The following MAML2 variants were observed in gnomAD, a reference collection of about 807,000 sequenced individuals.
MAML2 encodes mastermind-like protein 2.
A neutral mutation model predicts 96.1 loss-of-function variants in MAML2; 22 were observed. That is an observed-to-expected ratio of 0.23 (90% CI 0.16 to 0.33). The LOEUF is 0.33. Ranked by LOEUF, MAML2 falls within the 10% of genes least tolerant of loss-of-function variation. MAML2 has a pLI of 1.00. For synonymous variants in MAML2, 561 were observed against 521.3 expected, an observed-to-expected ratio of 1.08 and a Z score of -1.04; for missense variants, 1,367 against 1,392.4, an observed-to-expected ratio of 0.98 and a Z score of 0.29.
At chr11:95,993,959 C>T (rs1857953375) in intron 2 of MAML2, among the ~76,000 whole-genome samples, 1 of 152,176 alleles carries the variant, frequency 6.6e-6, no homozygotes, top group Admixed American at 6.5e-5. Flanking sequence ...AGATGAGAAA[C>T]CTGAGCTCAG....
intron 1 of MAML2, among the ~76,000 whole-genome samples, chr11:96,312,691 T>G (rs1380813339): frequency 6.6e-6 from 1 of 152,178 alleles, no homozygotes; most frequent in African/African-American, 2.4e-5. Context: ...TTACATAAAA[T>G]TTACCATTTT....
At chr11:96,068,877 TAAA>T (rs1325057477) in intron 2 of MAML2, among the ~76,000 whole-genome samples, 3 of 145,262 alleles carry the variant, frequency 2.1e-5, no homozygotes, top group African/African-American at 5.0e-5. Flanking sequence ...GAACTATAGA[TAAA>T]AAAGAAGCGA....
intron 2 of MAML2, among the ~76,000 whole-genome samples, chr11:96,049,368 T>C (rs1858955458): frequency 6.6e-6 from 1 of 152,232 alleles, no homozygotes; most frequent in South Asian, 2.1e-4. Context: ...AAATTTAACT[T>C]TCTTTCCATT....
chr11:96,145,994 G>C (rs1402151597), intron 1 of MAML2, among the ~76,000 whole-genome samples: 2 of 152,058 alleles, frequency 1.3e-5, no homozygotes, highest in Non-Finnish European at 1.5e-5. Context: ...GGGTGACAGA[G>C]CAAGACTCCG....
intron 2 of MAML2, among the ~76,000 whole-genome samples, chr11:96,023,131 C>T (rs1239897056): frequency 6.6e-6 from 1 of 152,140 alleles, no homozygotes; most frequent in Non-Finnish European, 1.5e-5. Context: ...AGTGGGCAGG[C>T]TGGAATGGAC....
chr11:96,049,575 C>T (rs1858958605), intron 2 of MAML2, among the ~76,000 whole-genome samples: 1 of 152,152 alleles, frequency 6.6e-6, no homozygotes. Flanking sequence ...ACTCTTGGCT[C>T]CACTATGTAT....
intron 1 of MAML2, among the ~76,000 whole-genome samples, chr11:96,119,547 A>T (rs1860299905): frequency 6.6e-6 from 1 of 152,204 alleles, no homozygotes; most frequent in Non-Finnish European, 1.5e-5. Context: ...TATTTAAGTT[A>T]TTTTAAGCGA....
chr11:95,979,618 T>C lies in MAML2; in HGVS notation c.2801A>G (p.Gln934Arg). 6.2e-7 allele frequency: 1 copy of C among 1,613,994 alleles called. No individual in the cohort carries two copies. Among genetic ancestry groups the C allele is most frequent in the Non-Finnish European group, 8.5e-7 (1 of 1,179,888 alleles). Reference sequence around the variant, plus strand: ...ATGGGTTAAATTTGGTCTCAATTGTTGTGAATTACCAACAGATCCAGCTCC... The same window carrying C: ...ATGGGTTAAATTTGGTCTCAATTGTCGTGAATTACCAACAGATCCAGCTCC... ...TFGAGSVGNS[Q>R]QLRPNLTHSM... The change falls in exon 5 of 5, where the codon CAA becomes CGA. Residue 934 changes from glutamine (Q) to arginine (R), a missense_variant. Transcript: ENST00000524717.
At chr11:96,260,911 C>A (rs1440069590) in intron 1 of MAML2, among the ~76,000 whole-genome samples, 1 of 152,012 alleles carries the variant, frequency 6.6e-6, no homozygotes, top group Non-Finnish European at 1.5e-5. Flanking sequence ...GACAGCGTAG[C>A]TTTGAAAAAC....
At chr11:96,163,840 A>G (rs1861149920) in intron 1 of MAML2, among the ~76,000 whole-genome samples, 1 of 150,448 alleles carries the variant, frequency 6.6e-6, no homozygotes. Context: ...CTGAAGAAAT[A>G]CTGAGCTTTC....
At chr11:96,085,529 C>T (rs952101746) in intron 2 of MAML2, among the ~76,000 whole-genome samples, 5 of 152,174 alleles carry the variant, frequency 3.3e-5, no homozygotes, top group African/African-American at 1.2e-4. Flanking sequence ...TTGTTTGAGT[C>T]ACCTACATTA....
At chr11:96,021,773 C>G (rs1590966050) in intron 2 of MAML2, among the ~76,000 whole-genome samples, 2 of 152,134 alleles carry the variant, frequency 1.3e-5, no homozygotes, top group East Asian at 3.8e-4. Context: ...GAGATTTTGA[C>G]ATTATTTGTT....
At chr11:96,329,327 A>G (rs1315359107) in intron 1 of MAML2, among the ~76,000 whole-genome samples, 1 of 152,192 alleles carries the variant, frequency 6.6e-6, no homozygotes, top group Non-Finnish European at 1.5e-5. Flanking sequence ...TAGGAAGGGT[A>G]TTCAACAATT....
At chr11:96,167,504 A>G (rs1383786422) in intron 1 of MAML2, among the ~76,000 whole-genome samples, 1 of 152,146 alleles carries the variant, frequency 6.6e-6, no homozygotes, top group Non-Finnish European at 1.5e-5. Flanking sequence ...ACAGAGCAGA[A>G]GATCTTTCAC....
At chr11:96,303,143 A>G (rs117107411) in intron 1 of MAML2, among the ~76,000 whole-genome samples, 4,373 of 152,296 alleles carry the variant, frequency 0.029, 79 homozygotes, top group South Asian at 0.047. Flanking sequence ...AACATTGACC[A>G]TCATGTAGTT....
chr11:96,045,056 A>T (rs1401000422), intron 2 of MAML2, among the ~76,000 whole-genome samples: 1 of 151,926 alleles, frequency 6.6e-6, no homozygotes, highest in East Asian at 1.9e-4. Context: ...TCCATCCTGC[A>T]CTTCACCAAG....
intron 1 of MAML2, among the ~76,000 whole-genome samples, chr11:96,224,285 A>G (rs564322398): frequency 1.3e-5 from 2 of 152,348 alleles, no homozygotes; most frequent in East Asian, 3.9e-4. Flanking sequence ...TATTTACTCA[A>G]TAACCCTCCT....
At chr11:96,148,113 C>A (rs183006071) in intron 1 of MAML2, among the ~76,000 whole-genome samples, 5 of 152,356 alleles carry the variant, frequency 3.3e-5, no homozygotes, top group Admixed American at 1.3e-4. Context: ...TCATCTGTCA[C>A]GTCGGGACAT....
intron 1 of MAML2, among the ~76,000 whole-genome samples, chr11:96,232,692 C>A (rs928281157): frequency 6.6e-6 from 1 of 152,124 alleles, no homozygotes. Context: ...AGGACGGTCT[C>A]GATCTCCTGA....
Sources: allele counts gnomAD v4.1 joint callset (sites outside exome capture counted in the v4.1 genomes callset), GRCh38; gene constraint gnomAD v4.1.1; transcripts MANE v1.5; gene names NCBI Gene and HGNC (gene_info 2026-07-23, HGNC 2026-07-21).